Variants in PTPRK observed in about 807,000 individuals in gnomAD.
PTPRK encodes receptor-type tyrosine-protein phosphatase kappa.
In PTPRK, 75 loss-of-function variants were observed where a neutral mutation model predicts 178.0. That is an observed-to-expected ratio of 0.42 (90% CI 0.35 to 0.51). The LOEUF is 0.51. Among genes scored for constraint, PTPRK ranks in the 20% least tolerant of loss-of-function variants. The probability of loss-of-function intolerance (pLI) is 0.02; values close to 1 mark genes in which losing one functional copy is unlikely to be tolerated. For missense variants in PTPRK, 1,441 were observed against 1,797.8 expected (o/e 0.80, Z 3.59); for synonymous variants, 637 against 620.6 (o/e 1.03, Z -0.39).
intron 7 of PTPRK, among the ~76,000 whole-genome samples, chr6:128,171,048 T>C (rs1237737693): frequency 6.6e-6 from 1 of 152,006 alleles, no homozygotes; most frequent in Non-Finnish European, 1.5e-5. Context: ...TTCTCCCATA[T>C]AATGTATAAT....
At chr6:128,444,309 C>T (rs1014892023) in intron 1 of PTPRK, among the ~76,000 whole-genome samples, 1 of 152,134 alleles carries the variant, frequency 6.6e-6, no homozygotes, top group Non-Finnish European at 1.5e-5. Flanking sequence ...CTCATTCCCC[C>T]GATTCCCATC....
chr6:128,437,277 A>G (rs551003039), intron 1 of PTPRK, among the ~76,000 whole-genome samples: 1 of 152,348 alleles, frequency 6.6e-6, no homozygotes, highest in South Asian at 2.1e-4. Flanking sequence ...GAAAGTAACA[A>G]TATTAATAGC....
At chr6:128,283,171 C>A (rs1821950187) in intron 3 of PTPRK, among the ~76,000 whole-genome samples, 1 of 152,196 alleles carries the variant, frequency 6.6e-6, no homozygotes, top group African/African-American at 2.4e-5. Context: ...TCACTCCTTT[C>A]CTGCCCTGCC....
At chr6:128,472,993 T>A (rs952103111) in intron 1 of PTPRK, among the ~76,000 whole-genome samples, 5 of 152,122 alleles carry the variant, frequency 3.3e-5, no homozygotes, top group African/African-American at 9.7e-5. Flanking sequence ...TATTTTAAAA[T>A]TTTTCAAACA....
In PTPRK at chr6:128,238,609, C is replaced by T. The variant is rs78682111; in HGVS notation, c.693+1426G>A. Among the ~76,000 whole-genome samples, 802 of 152,180 alleles carry T rather than the reference C, an allele frequency of 5.3e-3. 6 individuals are homozygous for T. Among genetic ancestry groups the T allele is most frequent in the African/African-American group, 0.019 (769 of 41,530 alleles). ...CTAAATGAAAAAATCACTAGCAAAACGATTAGAACATATATCTAAAATCAT... is the reference window on the plus strand; with the variant it reads ...CTAAATGAAAAAATCACTAGCAAAATGATTAGAACATATATCTAAAATCAT... On this transcript the variant is annotated intron_variant, in intron 5 of 29. Transcript: ENST00000368226.
chr6:128,474,777 A>G (rs1194148931), intron 1 of PTPRK, among the ~76,000 whole-genome samples: 1 of 152,150 alleles, frequency 6.6e-6, no homozygotes, highest in Non-Finnish European at 1.5e-5. Flanking sequence ...TAAAAGGAAA[A>G]GATCATGTAT....
chr6:128,447,687 C>T (rs1215494718), intron 1 of PTPRK, among the ~76,000 whole-genome samples: 3 of 151,270 alleles, frequency 2.0e-5, no homozygotes, highest in Non-Finnish European at 4.4e-5. Context: ...TGCAATGGCA[C>T]GATCTTGGCT....
At chr6:128,253,592 C>T (rs563977058) in intron 3 of PTPRK, among the ~76,000 whole-genome samples, 17 of 152,292 alleles carry the variant, frequency 1.1e-4, no homozygotes, top group African/African-American at 4.1e-4. Context: ...TGTCTTCCTA[C>T]AATCCACAAG....
At chr6:128,406,881 T>C (rs769206692) in intron 1 of PTPRK, among the ~76,000 whole-genome samples, 1 of 152,230 alleles carries the variant, frequency 6.6e-6, no homozygotes, top group Non-Finnish European at 1.5e-5. Flanking sequence ...AGCACTGCTT[T>C]GCACAGACAT....
intron 3 of PTPRK, chr6:128,321,697 G>A: frequency 1.5e-6 from 1 of 659,896 alleles, no homozygotes; most frequent in Non-Finnish European, 2.7e-6. Flanking sequence ...GAACAAAGCT[G>A]TAGGAAAGAA....
intron 25 of PTPRK, among the ~76,000 whole-genome samples, 197 bp from the exon 26 acceptor site, chr6:127,977,251 T>A (rs532007819): frequency 4.5e-4 from 68 of 152,314 alleles, no homozygotes; most frequent in African/African-American, 1.6e-3. Context: ...CAGTAATGAA[T>A]CAATTTGGTG....
In PTPRK at chr6:128,184,636, C is replaced by T. The variant is rs1472436088; in HGVS notation, c.958G>A (p.Asp320Asn). 1.2e-5 allele frequency: 19 copies of T among 1,613,838 alleles called. No homozygotes were observed. The East Asian group carries it at 2.5e-4, about 21-fold the overall frequency. Residue 320 changes from aspartate to asparagine, a missense_variant, in exon 7 of 30, where the codon GAT (aspartate) becomes AAT (asparagine). Physicochemically the swap from Asp to Asn is conservative, Grantham distance 23 (BLOSUM62 1). Coordinates refer to ENST00000368226, the MANE Select transcript of PTPRK (RefSeq NM_002844.4). Reference sequence around the variant, plus strand: ...ACTTCTTTCAGGATGATAGGACCATCGCCAATGATCGAGTTGGCATTTAGT... The same window carrying T: ...ACTTCTTTCAGGATGATAGGACCATTGCCAATGATCGAGTTGGCATTTAGT... ...IQLNANSIIGDGPIILKEVEY... is the reference protein window; with the variant it reads ...IQLNANSIIGNGPIILKEVEY...
intron 1 of PTPRK, among the ~76,000 whole-genome samples, chr6:128,462,790 G>A (rs899886686): frequency 6.6e-6 from 1 of 151,698 alleles, no homozygotes; most frequent in Non-Finnish European, 1.5e-5. Flanking sequence ...CAAGTAGCTG[G>A]GATTACAGGC....
At chr6:128,046,107 A>AT (rs1216613080) in intron 13 of PTPRK, among the ~76,000 whole-genome samples, 1 of 152,076 alleles carries the variant, frequency 6.6e-6, no homozygotes, top group African/African-American at 2.4e-5. Context: ...TGAAACATTG[A>AT]TTTTTCATTA....
At chr6:128,368,223 C>G (rs1835791534) in intron 2 of PTPRK, among the ~76,000 whole-genome samples, 1 of 151,572 alleles carries the variant, frequency 6.6e-6, no homozygotes, top group Non-Finnish European at 1.5e-5. Context: ...TTTAGGGTGA[C>G]AGAGAGCAGA....
chr6:128,316,805 C>T (rs1193794186), intron 3 of PTPRK, among the ~76,000 whole-genome samples: 2 of 151,526 alleles, frequency 1.3e-5, no homozygotes, highest in African/African-American at 4.9e-5. Context: ...GCAACCTCCG[C>T]CTCCTGGTTC....
intron 1 of PTPRK, among the ~76,000 whole-genome samples, chr6:128,500,200 G>A (rs139632011): frequency 2.6e-5 from 4 of 152,330 alleles, no homozygotes; most frequent in East Asian, 1.9e-4. Flanking sequence ...TGCAGTGAAG[G>A]AGTGGCTAAA....
At chr6:128,371,501 T>C (rs1481897603) in intron 2 of PTPRK, among the ~76,000 whole-genome samples, 1 of 152,178 alleles carries the variant, frequency 6.6e-6, no homozygotes, top group Admixed American at 6.5e-5. Flanking sequence ...CCTGGAACAC[T>C]TCAAAATCCA....
intron 1 of PTPRK, among the ~76,000 whole-genome samples, chr6:128,474,386 GA>G (rs904759535): frequency 2.5e-4 from 36 of 146,718 alleles, no homozygotes; most frequent in African/African-American, 6.2e-4. Context: ...TTCTTCAATG[GA>G]AAAAAAAAAT....
Sources: allele counts gnomAD v4.1 joint callset (sites outside exome capture counted in the v4.1 genomes callset), GRCh38; gene constraint gnomAD v4.1.1; transcripts MANE v1.5; gene names NCBI Gene and HGNC (gene_info 2026-07-23, HGNC 2026-07-21).